MYO1D: variants seen among roughly 807,000 people sequenced by gnomAD.
The protein encoded by MYO1D is myosin ID.
Under a neutral mutation model 122.0 loss-of-function variants are expected in MYO1D, and 83 were observed. The ratio of observed to expected loss-of-function variants is 0.68; its 90% CI spans 0.57 to 0.82. The LOEUF (loss-of-function observed/expected upper bound fraction) is 0.82, where lower values mean the gene tolerates loss of function less well. Ranked by LOEUF, MYO1D falls within the 40% of genes least tolerant of loss-of-function variation. MYO1D has a pLI of 0.00. For synonymous variants in MYO1D, 464 were observed against 446.9 expected (o/e 1.04, Z -0.48); for missense variants, 1,157 against 1,269.5 (o/e 0.91, Z 1.35).
intron 21 of MYO1D, among the ~76,000 whole-genome samples, chr17:32,558,093 T>A (rs534095474): frequency 1.3e-5 from 2 of 152,244 alleles, no homozygotes; most frequent in South Asian, 4.1e-4. Flanking sequence ...TGGGCCAGAT[T>A]CTATTGTGGA....
At chr17:32,566,265 G>A (rs1011575858) in intron 21 of MYO1D, among the ~76,000 whole-genome samples, 1 of 152,294 alleles carries the variant, frequency 6.6e-6, no homozygotes, top group East Asian at 1.9e-4. Context: ...GCTAGAAGAC[G>A]ACACTAACAT....
chr17:32,542,702 T>C (rs946785313), intron 21 of MYO1D, among the ~76,000 whole-genome samples: 4 of 151,716 alleles, frequency 2.6e-5, no homozygotes, highest in Non-Finnish European at 5.9e-5. Flanking sequence ...TTCAGGAATA[T>C]CTAAATATTT....
At chr17:32,789,807 T>C (rs1332362036) in intron 1 of MYO1D, among the ~76,000 whole-genome samples, 1 of 152,112 alleles carries the variant, frequency 6.6e-6, no homozygotes, top group Non-Finnish European at 1.5e-5. Context: ...TGCCAGCAGC[T>C]AGGAAGAGTC....
chr17:32,538,469 A>AT (rs61287547), intron 21 of MYO1D, among the ~76,000 whole-genome samples: 317 of 113,564 alleles, frequency 2.8e-3, no homozygotes, highest in Non-Finnish European at 4.8e-3. Context: ...TATTATTATT[A>AT]TTTTTTTTTT....
chr17:32,677,413 C>T (rs1469533806), intron 16 of MYO1D, among the ~76,000 whole-genome samples: 3 of 151,896 alleles, frequency 2.0e-5, no homozygotes, highest in Non-Finnish European at 4.4e-5. Context: ...TTTTTGGCTA[C>T]AGATGATGAA....
chr17:32,541,726 G>A (rs1910842001), intron 21 of MYO1D, among the ~76,000 whole-genome samples: 1 of 152,116 alleles, frequency 6.6e-6, no homozygotes, highest in African/African-American at 2.4e-5. Flanking sequence ...GCACGCAGTA[G>A]GTACTCGATG....
intron 14 of MYO1D, among the ~76,000 whole-genome samples, chr17:32,730,323 C>G (rs1024565514): frequency 1.3e-5 from 2 of 152,068 alleles, no homozygotes; most frequent in Non-Finnish European, 2.9e-5. Flanking sequence ...AATTGATATG[C>G]AATTGTTACT....
At chr17:32,602,198 T>C (rs1387316692) in intron 21 of MYO1D, among the ~76,000 whole-genome samples, 5 of 152,214 alleles carry the variant, frequency 3.3e-5, no homozygotes, top group Non-Finnish European at 7.3e-5. Flanking sequence ...AATCTAGTTA[T>C]AATGACTTAC....
rs34745639 is a variant in MYO1D, at chr17:32,821,541, T to TAC, written c.96-40759_96-40758dup. Among the ~76,000 whole-genome samples, 1,200 of 131,086 alleles carry TAC rather than the reference T, an allele frequency of 9.2e-3. 10 individuals carry two copies. Among genetic ancestry groups the TAC allele is most frequent in the East Asian group, 0.021 (105 of 5,094 alleles). 86.0% of individuals were successfully genotyped at this position (131,086 alleles called of 152,430 possible). ...CAGCTGAAGATAAGTAAATCACACA[T>TAC]ACACACACACACACACACACACACA... is the stretch of plus-strand genomic sequence containing the variant. On this transcript the variant is annotated intron_variant, in intron 1 of 21. Transcript: ENST00000318217.
intron 1 of MYO1D, among the ~76,000 whole-genome samples, chr17:32,859,879 TG>T (rs1456500475): frequency 5.3e-5 from 8 of 152,202 alleles, no homozygotes; most frequent in African/African-American, 1.4e-4. Context: ...AGCCTGACTT[TG>T]TTCAGGTATC....
intron 19 of MYO1D, among the ~76,000 whole-genome samples, chr17:32,645,563 T>G (rs993849479): frequency 2.0e-5 from 3 of 152,224 alleles, no homozygotes; most frequent in African/African-American, 7.2e-5. Context: ...ATTTGGTCTT[T>G]TCACACAGTC....
chr17:32,844,014 C>T (rs1289826521), intron 1 of MYO1D, among the ~76,000 whole-genome samples: 1 of 151,092 alleles, frequency 6.6e-6, no homozygotes, highest in Non-Finnish European at 1.5e-5. Flanking sequence ...TACACACACA[C>T]ACATATATAT....
chr17:32,599,122 T>C (rs141872930), intron 21 of MYO1D, among the ~76,000 whole-genome samples: 119 of 152,346 alleles, frequency 7.8e-4, no homozygotes, highest in Admixed American at 2.2e-3. Context: ...GCGGTGCTGT[T>C]TGAGAGCATT....
At chr17:32,584,021 C>T (rs189435770) in intron 21 of MYO1D, among the ~76,000 whole-genome samples, 3 of 152,258 alleles carry the variant, frequency 2.0e-5, no homozygotes, top group Admixed American at 2.0e-4. Context: ...CTGGGCTGCC[C>T]TCGAACTCCT....
At chr17:32,653,763 T>TTTA in intron 19 of MYO1D, 80 bp downstream of exon 19, 1 of 1,229,138 alleles carries the variant, frequency 8.1e-7, no homozygotes, top group Non-Finnish European at 1.2e-6. Flanking sequence ...ACTGTTATGT[T>TTTA]TTATTACAGG....
intron 19 of MYO1D, among the ~76,000 whole-genome samples, chr17:32,646,024 C>G (rs1323856854): frequency 6.6e-6 from 1 of 152,004 alleles, no homozygotes; most frequent in Non-Finnish European, 1.5e-5. Context: ...TTTTCCCGAT[C>G]TTTGTGGTTT....
intron 14 of MYO1D, among the ~76,000 whole-genome samples, chr17:32,723,011 T>C (rs561190544): frequency 2.1e-3 from 317 of 152,294 alleles, no homozygotes; most frequent in African/African-American, 7.4e-3. Flanking sequence ...TAGTCAATCA[T>C]GCCTTTGTGA....
intron 21 of MYO1D, among the ~76,000 whole-genome samples, chr17:32,540,898 C>G (rs1432548892): frequency 6.8e-6 from 1 of 146,586 alleles, no homozygotes; most frequent in East Asian, 2.0e-4. Context: ...TGCACTCCAG[C>G]CTGGGTGACA....
chr17:32,504,243 C>T (rs1033026426), intron 21 of MYO1D, among the ~76,000 whole-genome samples: 3 of 152,186 alleles, frequency 2.0e-5, no homozygotes, highest in African/African-American at 4.8e-5. Context: ...CCACACTCAC[C>T]CTGCTTGTGT....
Sources: allele counts gnomAD v4.1 joint callset (sites outside exome capture counted in the v4.1 genomes callset), GRCh38; gene constraint gnomAD v4.1.1; transcripts MANE v1.5; gene names NCBI Gene and HGNC (gene_info 2026-07-23, HGNC 2026-07-21).